GRB2: variants seen among roughly 807,000 people sequenced by gnomAD.
GRB2 encodes the protein growth factor receptor bound protein 2.
In GRB2, 2 loss-of-function variants were observed where a neutral mutation model predicts 27.4. That is an observed-to-expected ratio of 0.07 (90% CI 0.03 to 0.23). The LOEUF is 0.23. Ranked by LOEUF, GRB2 falls within the 10% of genes least tolerant of loss-of-function variation. The probability of loss-of-function intolerance (pLI) is 1.00; values close to 1 mark genes in which losing one functional copy is unlikely to be tolerated. For missense variants in GRB2, 102 were observed against 282.4 expected (o/e 0.36, Z 4.58); for synonymous variants, 94 against 99.6 (o/e 0.94, Z 0.33).
chr17:75,381,595 C>T (rs6501784), intron 2 of GRB2, among the ~76,000 whole-genome samples: 1 of 150,668 alleles, frequency 6.6e-6, no homozygotes, highest in Admixed American at 6.6e-5. Context: ...GTGGCGGGCA[C>T]CTGTAATCCC....
intron 1 of GRB2, among the ~76,000 whole-genome samples, chr17:75,397,268 A>G (rs1411216801): frequency 6.6e-6 from 1 of 152,236 alleles, no homozygotes; most frequent in Non-Finnish European, 1.5e-5. Context: ...TAACACATAC[A>G]CAACACTAAT....
intron 1 of GRB2, chr17:75,404,846 TAGAG>T (rs1302921031): frequency 1.3e-5 from 2 of 152,130 alleles, no homozygotes; most frequent in East Asian, 1.9e-4. Flanking sequence ...CTTACAATCA[TAGAG>T]AGGGCGCGCT....
At chr17:75,348,826 C>A (rs757550257) in intron 2 of GRB2, among the ~76,000 whole-genome samples, 44 of 152,172 alleles carry the variant, frequency 2.9e-4, no homozygotes, top group Non-Finnish European at 5.7e-4. Flanking sequence ...CAGGTGCACG[C>A]CGCCACGCCT....
chr17:75,345,923 C>A (rs1598228638), intron 2 of GRB2, among the ~76,000 whole-genome samples: 1 of 152,134 alleles, frequency 6.6e-6, no homozygotes, highest in South Asian at 2.1e-4. Context: ...TGGCAGAAGA[C>A]CACAGTATGC....
chr17:75,401,552 A>G (rs370425968), intron 1 of GRB2, among the ~76,000 whole-genome samples: 1 of 151,542 alleles, frequency 6.6e-6, no homozygotes, highest in South Asian at 2.1e-4. Flanking sequence ...TTGTATTTTC[A>G]TTATTTTTAC....
chr17:75,331,052 T>A (rs374761727), intron 3 of GRB2, among the ~76,000 whole-genome samples: 92 of 151,998 alleles, frequency 6.1e-4, no homozygotes, highest in African/African-American at 2.2e-3. Context: ...GGTGGTAGGA[T>A]GTGGAGGAGA....
intron 2 of GRB2, among the ~76,000 whole-genome samples, chr17:75,354,264 T>TGGGGGGG (rs755108476): frequency 2.6e-5 from 1 of 38,242 alleles, no homozygotes; most frequent in African/African-American, 8.3e-5. Context: ...TCTTTTTTTT[T>TGGGGGGG]GGGGGGGGGG....
intron 2 of GRB2, among the ~76,000 whole-genome samples, chr17:75,333,320 C>T (rs1334330443): frequency 1.3e-5 from 2 of 152,264 alleles, no homozygotes; most frequent in East Asian, 1.9e-4. Flanking sequence ...AGGTGATCTG[C>T]CCACCTTGGC....
At chr17:75,380,148 T>C (rs1420475305) in intron 2 of GRB2, among the ~76,000 whole-genome samples, 2 of 152,306 alleles carry the variant, frequency 1.3e-5, no homozygotes, top group East Asian at 3.9e-4. Context: ...TGGAAGATGA[T>C]GTACTGCCTA....
chr17:75,326,274 G>A (rs375973625), intron 3 of GRB2: 1 of 483,372 alleles, frequency 2.1e-6, no homozygotes, highest in Non-Finnish European at 3.8e-6. Context: ...TTCTATAGAG[G>A]GAGACATTTG....
intron 2 of GRB2, among the ~76,000 whole-genome samples, chr17:75,380,603 T>C (rs555057093): frequency 6.6e-6 from 1 of 152,350 alleles, no homozygotes; most frequent in South Asian, 2.1e-4. Flanking sequence ...TCTTCCCATC[T>C]TGTTCCAAGC....
At chr17:75,354,409 C>A (rs911085266) in intron 2 of GRB2, among the ~76,000 whole-genome samples, 1 of 152,100 alleles carries the variant, frequency 6.6e-6, no homozygotes, top group Non-Finnish European at 1.5e-5. Context: ...ATTACAGGTG[C>A]CTGCCACCAC....
intron 3 of GRB2, among the ~76,000 whole-genome samples, chr17:75,326,927 T>C (rs1567856488): frequency 6.6e-6 from 1 of 152,214 alleles, no homozygotes; most frequent in Non-Finnish European, 1.5e-5. Context: ...TCTTTAGTTA[T>C]CATTTTTAAA....
chr17:75,347,029 C>A (rs552282043), intron 2 of GRB2, among the ~76,000 whole-genome samples: 3 of 152,276 alleles, frequency 2.0e-5, no homozygotes, highest in African/African-American at 7.2e-5. Flanking sequence ...TGTGGACAGT[C>A]TTGGACTCTC....
chr17:75,398,124 TCAAAA>T (rs2079040406), intron 1 of GRB2, among the ~76,000 whole-genome samples: 1 of 151,214 alleles, frequency 6.6e-6, no homozygotes, highest in East Asian at 2.0e-4. Context: ...CACCCAGCCT[TCAAAA>T]GAAATTTTAA....
chr17:75,368,215 G>GT (rs35158011), intron 2 of GRB2, among the ~76,000 whole-genome samples: 85,225 of 131,600 alleles, frequency 0.65, 32,030 homozygotes, highest in East Asian at 0.87. Context: ...GTGCTCAGCT[G>GT]TTTTTTTTTT....
intron 2 of GRB2, among the ~76,000 whole-genome samples, chr17:75,364,796 C>T (rs1426494523): frequency 6.6e-6 from 1 of 151,760 alleles, no homozygotes; most frequent in African/African-American, 2.4e-5. Flanking sequence ...GCTTCACAGA[C>T]AAGTATCTAG....
At chr17:75,374,445 T>C (rs1404114738) in intron 2 of GRB2, among the ~76,000 whole-genome samples, 1 of 149,244 alleles carries the variant, frequency 6.7e-6, no homozygotes, top group Non-Finnish European at 1.5e-5. Context: ...AAATGCTACA[T>C]TTGGCTGGGC....
intron 2 of GRB2, among the ~76,000 whole-genome samples, chr17:75,377,644 C>T (rs1045943985): frequency 1.4e-5 from 2 of 146,262 alleles, no homozygotes; most frequent in African/African-American, 2.6e-5. Flanking sequence ...TGGTAGTTCA[C>T]GCCTGTAATC....
Sources: allele counts gnomAD v4.1 joint callset (sites outside exome capture counted in the v4.1 genomes callset), GRCh38; gene constraint gnomAD v4.1.1; transcripts MANE v1.5; gene names NCBI Gene and HGNC (gene_info 2026-07-23, HGNC 2026-07-21).